BLMH: variants seen among roughly 807,000 people sequenced by gnomAD.
The protein encoded by BLMH is BLM hydrolase.
BLMH carries 32 observed loss-of-function variants against 61.6 expected under a neutral mutation model. The ratio of observed to expected loss-of-function variants is 0.52; its 90% CI spans 0.39 to 0.70. The LOEUF is 0.70. Ranked by LOEUF, BLMH falls within the 30% of genes least tolerant of loss-of-function variation. The probability of loss-of-function intolerance (pLI) is 0.00; values close to 1 mark genes in which losing one functional copy is unlikely to be tolerated. For synonymous variants in BLMH, 183 were observed against 193.8 expected (o/e 0.94, Z 0.46); for missense variants, 460 against 555.5 (o/e 0.83, Z 1.73).
chr17:30,254,334 C>T (rs1035330653), intron 11 of BLMH, among the ~76,000 whole-genome samples: 4 of 152,196 alleles, frequency 2.6e-5, no homozygotes, highest in African/African-American at 9.7e-5. Context: ...CATTCAGTCA[C>T]TGCCAATCTT....
Position 30,285,373 on chromosome 17 carries a change from A to C in BLMH, c.645+15T>G. 1.3e-6 allele frequency: 2 copies of C among 1,596,954 alleles called. No homozygotes were observed. The highest frequency in any genetic ancestry group is 1.7e-6 in the Non-Finnish European group (2 of 1,170,114). On this transcript the variant is annotated intron_variant, in intron 6 of 11. Transcript: ENST00000261714. Reference sequence around the variant, plus strand: ...CCTTAGAGGGGTCACAAAAAAATCCAAATTTTGTTATTACCTCCTCCATCA... The same window carrying C: ...CCTTAGAGGGGTCACAAAAAAATCCCAATTTTGTTATTACCTCCTCCATCA...
Position 30,248,988 on chromosome 17 carries a change from T to C in BLMH, c.*29A>G, listed in dbSNP as rs1348941309. 4 of 1,612,468 alleles carry C rather than the reference T, an allele frequency of 2.5e-6. No individual in the cohort carries two copies. Among genetic ancestry groups the C allele is most frequent in the African/African-American group, 2.7e-5 (2 of 74,998 alleles). ...TCCTTTGCAGCTACGTCAGGTTCCA[T>C]GGAAGGAGGAAAGAGCTGGAGGGCA... is the stretch of plus-strand genomic sequence containing the variant. On this transcript the variant is annotated 3_prime_UTR_variant, in exon 12 of 12. Transcript: ENST00000261714.
At chr17:30,256,952 A>T (rs1164704598) in intron 11 of BLMH, among the ~76,000 whole-genome samples, 2 of 152,228 alleles carry the variant, frequency 1.3e-5, no homozygotes, top group African/African-American at 4.8e-5. Context: ...GGTATGTTGC[A>T]AATGTGCAAA....
At chr17:30,249,955 C>T (rs1416131826) in intron 11 of BLMH, 1 of 152,192 alleles carries the variant, frequency 6.6e-6, no homozygotes, top group Admixed American at 6.5e-5. Flanking sequence ...GTGGTGTCAT[C>T]GGGTACCCAT....
intron 11 of BLMH, among the ~76,000 whole-genome samples, chr17:30,265,976 C>G (rs1908093869): frequency 6.6e-6 from 1 of 152,030 alleles, no homozygotes; most frequent in Admixed American, 6.5e-5. Flanking sequence ...GACTTTTTAT[C>G]TGTATTTTAA....
intron 6 of BLMH, among the ~76,000 whole-genome samples, 190 bp from the exon 7 acceptor site, chr17:30,274,387 T>A (rs537954134): frequency 1.3e-5 from 2 of 152,350 alleles, no homozygotes; most frequent in Non-Finnish European, 2.9e-5. Flanking sequence ...TCAGTCAACT[T>A]ATGAGTTCTC....
chr17:30,267,401 G>A (rs1908140289), intron 10 of BLMH, among the ~76,000 whole-genome samples: 1 of 152,072 alleles, frequency 6.6e-6, no homozygotes, highest in Non-Finnish European at 1.5e-5. Flanking sequence ...TCTAAAACCT[G>A]GTCAGAGTCT....
intron 9 of BLMH, 40 bp from the exon 10 acceptor site, chr17:30,271,428 T>C: frequency 3.3e-6 from 5 of 1,537,206 alleles, no homozygotes; most frequent in Non-Finnish European, 4.5e-6. Flanking sequence ...GGGAGTACGA[T>C]CATGGGGAAA....
chr17:30,248,724 G>T lies in BLMH; in HGVS notation c.*293C>A. 3.2e-6 allele frequency: 1 copy of T among 308,748 alleles called. No homozygotes were observed. The highest frequency in any genetic ancestry group is 6.0e-6 in the Non-Finnish European group (1 of 166,900). The allele number at this position is 308,748 out of a possible 1,614,324, so 19.1% of individuals were successfully genotyped here. A position where few individuals can be genotyped will look rare whatever the true frequency, so the allele number is the denominator to read the frequency against. On this transcript the variant is annotated 3_prime_UTR_variant, in exon 12 of 12. Coordinates refer to ENST00000261714, the MANE Select transcript of BLMH (RefSeq NM_000386.4). Reference sequence around the variant, plus strand: ...ACACAGACACAGAACCAAACTTTTTGACAGTTAAAGACAAACAATTACATC... The same window carrying T: ...ACACAGACACAGAACCAAACTTTTTTACAGTTAAAGACAAACAATTACATC...
At position 30,248,898 on chromosome 17, in the gene BLMH, ATC is replaced by A. The variant is rs59446067; in HGVS notation, c.*117_*118del. The A allele has an allele frequency of 7.7e-7, 1 of 1,295,724 alleles. No homozygotes were observed. Among genetic ancestry groups the A allele is most frequent in the African/African-American group, 1.5e-5 (1 of 67,438 alleles). The allele number at this position is 1,295,724 out of a possible 1,614,324, so 80.3% of individuals were successfully genotyped here. ...AAGAGGTTCCTGGTGGAGACTGGAAATCTGACTGTGTCCTGTGGCAACACACA... is the reference window on the plus strand; with the variant it reads ...AAGAGGTTCCTGGTGGAGACTGGAAATGACTGTGTCCTGTGGCAACACACA... On this transcript the variant is annotated 3_prime_UTR_variant, in exon 12 of 12. Transcript: ENST00000261714.
intron 5 of BLMH, 39 bp from the exon 6 acceptor site, chr17:30,285,519 G>A (rs771653622): frequency 1.1e-5 from 16 of 1,514,182 alleles, no homozygotes; most frequent in South Asian, 4.8e-5. Flanking sequence ...ACAGTTACCC[G>A]AATTCAATTG....
chr17:30,260,925 G>A (rs1907940624), intron 11 of BLMH, among the ~76,000 whole-genome samples: 1 of 152,052 alleles, frequency 6.6e-6, no homozygotes, highest in South Asian at 2.1e-4. Flanking sequence ...CCTTATCAAA[G>A]AACCCAGAAT....
chr17:30,272,987 A>C, intron 7 of BLMH, 88 bp from the exon 8 acceptor site: 1 of 1,424,968 alleles, frequency 7.0e-7, no homozygotes, highest in Non-Finnish European at 9.6e-7. Context: ...TGTTTCCATC[A>C]AGCTCATCAT....
At chr17:30,259,635 C>T (rs541821774) in intron 11 of BLMH, among the ~76,000 whole-genome samples, 5 of 152,262 alleles carry the variant, frequency 3.3e-5, no homozygotes, top group African/African-American at 1.2e-4. Flanking sequence ...CCATGAATGC[C>T]ACTTCTGTCA....
At chr17:30,275,265 T>C (rs1908386848) in intron 6 of BLMH, among the ~76,000 whole-genome samples, 1 of 152,148 alleles carries the variant, frequency 6.6e-6, no homozygotes, top group South Asian at 2.1e-4. Flanking sequence ...GTATAATTTT[T>C]TGGGTTGTGA....
chr17:30,291,019 G>C (rs1442079871), intron 2 of BLMH: 1 of 379,954 alleles, frequency 2.6e-6, no homozygotes, highest in Non-Finnish European at 4.9e-6. Context: ...ACATCTCCAA[G>C]ACACGGGCTA....
intron 6 of BLMH, among the ~76,000 whole-genome samples, chr17:30,279,765 G>A (rs1406042671): frequency 6.6e-6 from 1 of 152,016 alleles, no homozygotes; most frequent in Non-Finnish European, 1.5e-5. Flanking sequence ...TCGTAACACT[G>A]CACTCCAGCC....
intron 6 of BLMH, among the ~76,000 whole-genome samples, chr17:30,274,419 C>A (rs769495625): frequency 6.6e-6 from 1 of 152,088 alleles, no homozygotes; most frequent in African/African-American, 2.4e-5. Flanking sequence ...GTGAACAATG[C>A]GATTCTGAAA....
chr17:30,256,852 C>T (rs1907832265), intron 11 of BLMH, among the ~76,000 whole-genome samples: 1 of 152,086 alleles, frequency 6.6e-6, no homozygotes. Flanking sequence ...ATAATTTCAA[C>T]AGATAATTGA....
Sources: allele counts gnomAD v4.1 joint callset (sites outside exome capture counted in the v4.1 genomes callset), GRCh38; gene constraint gnomAD v4.1.1; transcripts MANE v1.5; gene names NCBI Gene and HGNC (gene_info 2026-07-23, HGNC 2026-07-21).